NCKAP5: variants seen among roughly 807,000 people sequenced by gnomAD.
NCKAP5 encodes the protein NCK associated protein 5.
In NCKAP5, 92 loss-of-function variants were observed where a neutral mutation model predicts 167.0. That is an observed-to-expected ratio of 0.55 (90% CI 0.47 to 0.66). NCKAP5 has a LOEUF of 0.66. Among genes scored for constraint, NCKAP5 ranks in the 30% least tolerant of loss-of-function variants. The pLI is 0.00. For missense variants in NCKAP5, 2,378 were observed against 2,315.0 expected (o/e 1.03, Z -0.56); for synonymous variants, 891 against 877.4 (o/e 1.02, Z -0.27).
chr2:132,988,992 C>A (rs2077376771), intron 7 of NCKAP5, among the ~76,000 whole-genome samples: 1 of 152,306 alleles, frequency 6.6e-6, no homozygotes, highest in East Asian at 1.9e-4. Flanking sequence ...CTTTTCCCCC[C>A]AGTTACCATT....
chr2:133,411,190 T>G (rs1688749241), intron 3 of NCKAP5, among the ~76,000 whole-genome samples: 1 of 152,214 alleles, frequency 6.6e-6, no homozygotes, highest in South Asian at 2.1e-4. Context: ...TTCCAAAGTT[T>G]TTGTTCCTTG....
intron 8 of NCKAP5, among the ~76,000 whole-genome samples, chr2:132,880,990 A>T (rs890706517): frequency 5.9e-5 from 9 of 152,156 alleles, no homozygotes; most frequent in African/African-American, 9.7e-5. Context: ...AATTTCAGGA[A>T]ATATAGGAAA....
chr2:133,111,075 A>G (rs1447345274), intron 6 of NCKAP5, among the ~76,000 whole-genome samples: 1 of 152,110 alleles, frequency 6.6e-6, no homozygotes, highest in African/African-American at 2.4e-5. Context: ...TTACCTCCCT[A>G]AAGGGTGCAT....
chr2:133,279,543 C>G (rs1012023290), intron 4 of NCKAP5, among the ~76,000 whole-genome samples: 1 of 151,780 alleles, frequency 6.6e-6, no homozygotes, highest in Non-Finnish European at 1.5e-5. Context: ...ACTTTTTTTT[C>G]ACAGTTGTTA....
intron 4 of NCKAP5, among the ~76,000 whole-genome samples, chr2:133,290,727 CCTT>C (rs1228542948): frequency 1.1e-5 from 1 of 90,508 alleles, no homozygotes; most frequent in Non-Finnish European, 2.1e-5. Context: ...AAGAATTTCT[CCTT>C]TTTTTTTTTT....
At chr2:133,596,935 T>C in the NCKAP5 span, among the ~76,000 whole-genome samples, 3,505 of 152,304 alleles carry the variant, frequency 0.023, 159 homozygotes, top group African/African-American at 0.08. Context: ...CCATCTTTCA[T>C]GCAAAACAGA....
chr2:132,857,433 C>A (rs879416239), intron 11 of NCKAP5, among the ~76,000 whole-genome samples: 7 of 152,144 alleles, frequency 4.6e-5, no homozygotes, highest in Non-Finnish European at 8.8e-5. Flanking sequence ...GTATTCAGCT[C>A]AACTGGTAAG....
intron 4 of NCKAP5, among the ~76,000 whole-genome samples, chr2:133,234,017 G>C (rs930196212): frequency 1.3e-5 from 2 of 152,166 alleles, no homozygotes; most frequent in East Asian, 3.9e-4. Flanking sequence ...CAGACAACCA[G>C]ACTAAAACCT....
chr2:133,397,328 A>T (rs978992973), intron 3 of NCKAP5, among the ~76,000 whole-genome samples: 8 of 152,196 alleles, frequency 5.3e-5, no homozygotes, highest in African/African-American at 1.9e-4. Flanking sequence ...ATTTGATCGC[A>T]AGCTCTTGGA....
chr2:133,308,040 A>G (rs1680910043), intron 3 of NCKAP5, among the ~76,000 whole-genome samples: 1 of 151,638 alleles, frequency 6.6e-6, no homozygotes, highest in African/African-American at 2.4e-5. Flanking sequence ...AGAAGGGTGC[A>G]TAAATCACTT....
At position 133,395,525 on chromosome 2, in the gene NCKAP5, T is replaced by A. The variant is rs182918445; in HGVS notation, c.70-92415A>T. ...AAGTTGTGTATTTAAATATTTTGAG[T>A]GAATTCTTGGAATTATCAGAACATT... On this transcript the variant is annotated intron_variant, in intron 3 of 19. Transcript: ENST00000409261. Among the ~76,000 whole-genome samples, 415 of 152,304 alleles carry A rather than the reference T, an allele frequency of 2.7e-3. 1 individual carries two copies. Among genetic ancestry groups the A allele is most frequent in the Non-Finnish European group, 4.6e-3 (311 of 68,028 alleles).
At chr2:133,236,070 CAAAAAAAAAAAAAAA>C (rs527705526) in intron 4 of NCKAP5, among the ~76,000 whole-genome samples, 2 of 15,656 alleles carry the variant, frequency 1.3e-4, no homozygotes, top group Non-Finnish European at 3.3e-4. Context: ...TGTCTCAGAC[CAAAAAAAAAAAAAAA>C]AAAAAAAAAA....
intron 8 of NCKAP5, among the ~76,000 whole-genome samples, chr2:132,919,257 C>T (rs1212333036): frequency 6.6e-6 from 1 of 152,074 alleles, no homozygotes; most frequent in Non-Finnish European, 1.5e-5. Flanking sequence ...GTAGAGCACT[C>T]CCAGGATGTG....
intron 3 of NCKAP5, among the ~76,000 whole-genome samples, chr2:133,365,598 C>G (rs1396414362): frequency 6.6e-6 from 1 of 151,898 alleles, no homozygotes; most frequent in Non-Finnish European, 1.5e-5. Context: ...GACATAAGTC[C>G]CATGAAAATA....
At chr2:133,666,818 T>C in the NCKAP5 span, among the ~76,000 whole-genome samples, 2 of 151,920 alleles carry the variant, frequency 1.3e-5, no homozygotes, top group African/African-American at 4.9e-5. Context: ...AGACAGCCTG[T>C]CTCATAGCAA....
chr2:133,493,025 G>C (rs1575055542), intron 3 of NCKAP5, among the ~76,000 whole-genome samples: 1 of 152,128 alleles, frequency 6.6e-6, no homozygotes, highest in East Asian at 1.9e-4. Context: ...TGGCAAACCT[G>C]ACAAATTACT....
intron 2 of NCKAP5, among the ~76,000 whole-genome samples, chr2:133,544,990 T>C (rs977168535): frequency 1.3e-5 from 2 of 152,116 alleles, no homozygotes; most frequent in Non-Finnish European, 2.9e-5. Context: ...CACAGCCTCA[T>C]CTTAAGGGTA....
chr2:132,987,743 TC>T (rs1236563933), intron 7 of NCKAP5, among the ~76,000 whole-genome samples: 2 of 152,180 alleles, frequency 1.3e-5, no homozygotes, highest in East Asian at 1.9e-4. Flanking sequence ...ACTTAACCTC[TC>T]TATGCTCTCC....
At chr2:132,894,202 T>C (rs13414473) in intron 8 of NCKAP5, among the ~76,000 whole-genome samples, 54,101 of 152,092 alleles carry the variant, frequency 0.36, 9,852 homozygotes, top group African/African-American at 0.39. Context: ...GATGACCTAC[T>C]CCTGAAATAA....
Sources: allele counts gnomAD v4.1 joint callset (sites outside exome capture counted in the v4.1 genomes callset), GRCh38; gene constraint gnomAD v4.1.1; transcripts MANE v1.5; gene names NCBI Gene and HGNC (gene_info 2026-07-23, HGNC 2026-07-21).